The following METTL21C variants were observed in gnomAD, a reference collection of about 807,000 sequenced individuals.
METTL21C encodes methyltransferase 21C, AARS1 lysine.
In METTL21C, 21 loss-of-function variants were observed where a neutral mutation model predicts 25.9. The observed-to-expected ratio is 0.81, with a 90% CI of 0.58 to 1.17. The LOEUF (loss-of-function observed/expected upper bound fraction) is 1.17, where lower values mean the gene tolerates loss of function less well. Ranked by LOEUF, METTL21C falls within the 50% of genes most tolerant of loss-of-function variation. The pLI, the probability that METTL21C is intolerant of heterozygous loss-of-function variation, is 0.00. For synonymous variants in METTL21C, 125 were observed against 124.7 expected (o/e 1.00, Z -0.01); for missense variants, 312 against 315.1 (o/e 0.99, Z 0.07).
the METTL21C span, among the ~76,000 whole-genome samples, chr13:102,700,200 C>T: frequency 6.6e-6 from 1 of 152,132 alleles, no homozygotes; most frequent in Non-Finnish European, 1.5e-5. Context: ...TTAAAAATAG[C>T]ACATGCCTGT....
chr13:102,691,279 C>G (rs558772069), intron 1 of METTL21C, among the ~76,000 whole-genome samples: 4 of 151,764 alleles, frequency 2.6e-5, no homozygotes, highest in Non-Finnish European at 4.4e-5. Flanking sequence ...GGAAAAATGG[C>G]GAACTTACCA....
At chr13:102,687,636 G>T (rs950303993) in intron 2 of METTL21C, among the ~76,000 whole-genome samples, 6 of 152,150 alleles carry the variant, frequency 3.9e-5, no homozygotes, top group Non-Finnish European at 7.3e-5. Flanking sequence ...AGACTTCAGT[G>T]TGCAAACAGA....
intron 2 of METTL21C, among the ~76,000 whole-genome samples, chr13:102,689,394 G>A (rs1483706801): frequency 6.6e-6 from 1 of 152,202 alleles, no homozygotes; most frequent in Non-Finnish European, 1.5e-5. Flanking sequence ...TGTAAAAATA[G>A]AGCTCCCTGT....
intron 2 of METTL21C, among the ~76,000 whole-genome samples, chr13:102,688,035 A>G (rs1421186891): frequency 6.6e-6 from 1 of 152,216 alleles, no homozygotes; most frequent in Non-Finnish European, 1.5e-5. Flanking sequence ...AAAGTTACTT[A>G]AATTTGAGTA....
At chr13:102,695,690 C>T (rs1885935711), upstream of METTL21C, among the ~76,000 whole-genome samples, 1 of 152,178 alleles carries the variant, frequency 6.6e-6, no homozygotes, top group Non-Finnish European at 1.5e-5. Flanking sequence ...ATGTAAATCA[C>T]CTTTCCCACT....
At chr13:102,695,968 G>A (rs879618757), upstream of METTL21C, among the ~76,000 whole-genome samples, 13 of 152,184 alleles carry the variant, frequency 8.5e-5, no homozygotes, top group African/African-American at 1.4e-4. Flanking sequence ...AAACATATGC[G>A]TTCATTCTAC....
intron 2 of METTL21C, among the ~76,000 whole-genome samples, chr13:102,687,946 T>C (rs1231433475): frequency 1.3e-5 from 2 of 152,224 alleles, no homozygotes; most frequent in African/African-American, 4.8e-5. Flanking sequence ...CTGAGGTGTT[T>C]ACGTGTATGG....
chr13:102,697,520 A>G (rs930630862), upstream of METTL21C, among the ~76,000 whole-genome samples: 15 of 152,128 alleles, frequency 9.9e-5, no homozygotes, highest in Admixed American at 3.9e-4. Flanking sequence ...AGGGTAAACC[A>G]CAATTACCAG....
intron 1 of METTL21C, among the ~76,000 whole-genome samples, chr13:102,694,070 GTTC>G (rs1438370234): frequency 6.6e-6 from 1 of 151,912 alleles, no homozygotes; most frequent in African/African-American, 2.4e-5. Context: ...TAGATTTTTT[GTTC>G]TTCTTTTAAG....
At chr13:102,700,710 G>T in the METTL21C span, among the ~76,000 whole-genome samples, 1 of 152,136 alleles carries the variant, frequency 6.6e-6, no homozygotes, top group Non-Finnish European at 1.5e-5. Context: ...TCAGATAAAT[G>T]AAGTGAAATA....
the METTL21C span, among the ~76,000 whole-genome samples, chr13:102,702,071 G>A: frequency 1.3e-5 from 2 of 151,968 alleles, no homozygotes; most frequent in South Asian, 4.2e-4. Context: ...GGCTGAGGCT[G>A]GAGAATCACT....
At chr13:102,692,066 T>G (rs1007530380) in intron 1 of METTL21C, among the ~76,000 whole-genome samples, 1 of 152,056 alleles carries the variant, frequency 6.6e-6, no homozygotes, top group Non-Finnish European at 1.5e-5. Context: ...GGAAGGTCAG[T>G]TTTGTTTGCA....
At chr13:102,688,786 T>C (rs1885746988) in intron 2 of METTL21C, among the ~76,000 whole-genome samples, 1 of 152,198 alleles carries the variant, frequency 6.6e-6, no homozygotes, top group Admixed American at 6.5e-5. Context: ...TGCCCTGCCC[T>C]GTGAGGGGCT....
Position 102,686,880 on chromosome 13 carries a change from C to T in METTL21C, c.400+60G>A, listed in dbSNP as rs557707859. The T allele has an allele frequency of 1.7e-5, 22 of 1,327,338 alleles. No homozygotes were observed. In the African/African-American group the frequency reaches 3.1e-4, roughly 18 times the overall value. 82.2% of individuals were successfully genotyped at this position (1,327,338 alleles called of 1,614,324 possible). ...AAACCACAGCCTGTCATAGAGTAAG[C>T]ACTTGCTATTGTTGTTACAGTAAAG... On this transcript the variant is annotated intron_variant, in intron 3 of 3. Coordinates refer to ENST00000267273, the MANE Select transcript of METTL21C (RefSeq NM_001010977.3).
Position 102,686,109 on chromosome 13 carries a change from T to G in METTL21C, c.717A>C (p.Gln239His), listed in dbSNP as rs1238895371. Residue 239 changes from glutamine (Q) to histidine (H), a missense_variant, in exon 4 of 4, where the codon CAA becomes CAC. Coordinates refer to ENST00000267273, the MANE Select transcript of METTL21C (RefSeq NM_001010977.3). ...CAGCCAACAGTGTTGTGTCAAAAAC[T>G]TGCTTGAATTTATCTAAAAATTCAT... ...TDYEFLDKFK[Q>H]VFDTTLLAEY... The G allele has an allele frequency of 6.2e-7, 1 of 1,613,974 alleles. No homozygotes were observed. Among genetic ancestry groups the G allele is most frequent in the East Asian group, 2.2e-5 (1 of 44,880 alleles).
chr13:102,703,369 C>T, the METTL21C span, among the ~76,000 whole-genome samples: 4 of 152,230 alleles, frequency 2.6e-5, no homozygotes, highest in African/African-American at 4.8e-5. Flanking sequence ...TCTCAAGGTG[C>T]TGCCACAGTT....
chr13:102,686,848 G>T, intron 3 of METTL21C, 92 bp downstream of exon 3: 1 of 987,716 alleles, frequency 1.0e-6, no homozygotes, highest in Non-Finnish European at 1.6e-6. Context: ...GTTAGGGCCA[G>T]GCACCTAAAC....
rs1156523868 is a variant in METTL21C at position 102,690,957 on chromosome 13, G to A, written c.138C>T (p.Asn46=). ...GGCTATGAAGAGATGGTTCTATCTT[G>A]TTGGATTCTGTGAAGCAGAAAAATA... The part of the protein sequence containing the change: ...DSTGGVLEES[N]KIEPSLHSLQ... Residue 46 remains asparagine (N), a synonymous_variant, in exon 2 of 4, where the codon AAC becomes AAT. Transcript: ENST00000267273. The A allele has an allele frequency of 2.5e-6, 4 of 1,613,720 alleles. No individual in the cohort carries two copies.
At position 102,686,308 on chromosome 13, in the gene METTL21C, C is replaced by T. The variant is rs1266657393; in HGVS notation, c.518G>A (p.Gly173Glu). ...GGGAAAGTTTTTGTCCAGGTCTTCC[C>T]CCCATACCAGTTCTTTCACTTCAGG... Reference protein sequence around the residue: ...HLPEVKELVWGEDLDKNFPKS... With the variant: ...HLPEVKELVWEEDLDKNFPKS... The change falls in exon 4 of 4, where the codon GGG becomes GAG. Residue 173 changes from glycine (G) to glutamate (E), a missense_variant. Gly to Glu is a moderately conservative substitution (Grantham distance 98). Transcript: ENST00000267273. 6.2e-7 allele frequency: 1 copy of T among 1,614,172 alleles called. No homozygotes were observed. The highest frequency in any genetic ancestry group is 8.5e-7 in the Non-Finnish European group (1 of 1,180,032).
Sources: gnomAD v4.1 joint callset for allele counts (sites outside exome capture counted in the v4.1 genomes callset) on GRCh38, gnomAD v4.1.1 for gene constraint, MANE v1.5 for transcripts, NCBI Gene and HGNC (gene_info 2026-07-23, HGNC 2026-07-21) for gene names.